Variants in SOX5 observed in about 807,000 individuals in gnomAD.
The protein encoded by SOX5 is SRY-box transcription factor 5, also known as transcription factor SOX-5.
In SOX5, 9 loss-of-function variants were observed where a neutral mutation model predicts 92.0. The observed-to-expected ratio is 0.10, with a 90% CI of 0.06 to 0.17. The LOEUF (loss-of-function observed/expected upper bound fraction) is 0.17, where lower values mean the gene tolerates loss of function less well. SOX5 is among the 10% of genes least tolerant of loss of function. SOX5 has a pLI of 1.00. For missense variants in SOX5, 642 were observed against 944.5 expected, an observed-to-expected ratio of 0.68 and a Z score of 4.20; for synonymous variants, 344 against 336.3, an observed-to-expected ratio of 1.02 and a Z score of -0.25.
intron 4 of SOX5, among the ~76,000 whole-genome samples, chr12:24,184,870 G>A (rs1234904756): frequency 6.6e-6 from 1 of 151,970 alleles, no homozygotes; most frequent in Non-Finnish European, 1.5e-5. Flanking sequence ...CATACATAAA[G>A]CTACTTAATG....
intron 3 of SOX5, among the ~76,000 whole-genome samples, chr12:23,818,872 C>CA (rs112235459): frequency 8.5e-4 from 130 of 152,184 alleles, no homozygotes; most frequent in African/African-American, 2.9e-3. Flanking sequence ...CCAGAATCTT[C>CA]AATACCACCA....
rs1403578806 is a variant in SOX5 at position 24,012,521 on chromosome 12, C to T, written c.-1-116497G>A. ...TAGATAATTTTAAAGTGAAGGAAAA[C>T]ATTTTGTGATCAATCTTTGAATATC... On this transcript the variant is annotated intron_variant, in intron 4 of 4. Transcript: ENST00000446891. Among the ~76,000 whole-genome samples the T allele has an allele frequency of 3.3e-5, 5 of 152,002 alleles. 1 individual carries two copies. The highest frequency in any genetic ancestry group is 7.4e-5 in the Non-Finnish European group (5 of 67,992).
chr12:23,785,103 T>C lies in SOX5; in HGVS notation c.482-29379A>G, dbSNP rs114326372. ...TCTCAAAAATTAAATTTAAAAATCATCTATTTAATCAACACTTTGCGCATC... is the reference window on the plus strand; with the variant it reads ...TCTCAAAAATTAAATTTAAAAATCACCTATTTAATCAACACTTTGCGCATC... On this transcript the variant is annotated intron_variant, in intron 3 of 14. Coordinates refer to ENST00000451604, the MANE Select transcript of SOX5 (RefSeq NM_006940.6). 5.9e-3 allele frequency among the ~76,000 whole-genome samples: 899 copies of C among 152,236 alleles called. 13 individuals are homozygous for C. The highest frequency in any genetic ancestry group is 0.02 in the African/African-American group (850 of 41,550).
At chr12:23,920,182 T>A (rs1937727856) in intron 1 of SOX5, 1 of 152,214 alleles carries the variant, frequency 6.6e-6, no homozygotes, top group Non-Finnish European at 1.5e-5. Context: ...TTTAATAAAC[T>A]TCGAAATAGA....
intron 4 of SOX5, among the ~76,000 whole-genome samples, chr12:24,109,582 C>T (rs1044592299): frequency 3.9e-5 from 6 of 152,160 alleles, no homozygotes; most frequent in African/African-American, 1.2e-4. Context: ...CCATCACCTG[C>T]TTCTTTATGC....
intron 2 of SOX5, among the ~76,000 whole-genome samples, chr12:23,878,488 A>T (rs955148690): frequency 1.3e-5 from 2 of 152,160 alleles, no homozygotes; most frequent in South Asian, 2.1e-4. Context: ...CAGGAATTTC[A>T]TTCAACTTGG....
intron 1 of SOX5, among the ~76,000 whole-genome samples, chr12:24,405,811 T>C (rs17417768): frequency 0.058 from 8,908 of 152,280 alleles, 385 homozygotes; most frequent in Middle Eastern, 0.092. Context: ...TTGAGAACTA[T>C]GGATGGCTCT....
At chr12:24,230,823 T>C (rs954604808) in intron 3 of SOX5, among the ~76,000 whole-genome samples, 5 of 152,194 alleles carry the variant, frequency 3.3e-5, no homozygotes, top group Non-Finnish European at 7.3e-5. Flanking sequence ...CTGGTAACTT[T>C]CATATAAATG....
intron 7 of SOX5, among the ~76,000 whole-genome samples, chr12:23,650,100 ATAC>A (rs1229510674): frequency 6.6e-6 from 1 of 152,088 alleles, no homozygotes; most frequent in Non-Finnish European, 1.5e-5. Context: ...CCTCTCTGAC[ATAC>A]ACACATACAA....
At chr12:24,512,272 A>G (rs528582944) in intron 1 of SOX5, among the ~76,000 whole-genome samples, 1 of 152,332 alleles carries the variant, frequency 6.6e-6, no homozygotes, top group East Asian at 1.9e-4. Flanking sequence ...AAACACGGAT[A>G]CTTGATCTAT....
intron 4 of SOX5, among the ~76,000 whole-genome samples, chr12:23,987,736 C>T (rs763179947): frequency 3.3e-5 from 5 of 152,144 alleles, no homozygotes; most frequent in Non-Finnish European, 7.4e-5. Context: ...GAGGTTGCAG[C>T]GAGCTGCGAT....
chr12:24,508,169 A>G (rs961141289), intron 1 of SOX5, among the ~76,000 whole-genome samples: 6 of 152,174 alleles, frequency 3.9e-5, no homozygotes, highest in African/African-American at 1.4e-4. Context: ...TGATGGGGTT[A>G]GATTTACACA....
At chr12:24,231,717 G>A (rs1301861730) in intron 3 of SOX5, among the ~76,000 whole-genome samples, 1 of 152,144 alleles carries the variant, frequency 6.6e-6, no homozygotes, top group Non-Finnish European at 1.5e-5. Flanking sequence ...AGGCATGAAA[G>A]GGCCCACAGT....
chr12:23,906,183 G>A (rs561171842), intron 1 of SOX5, among the ~76,000 whole-genome samples: 21 of 152,236 alleles, frequency 1.4e-4, no homozygotes, highest in Admixed American at 1.1e-3. Context: ...ATCGCAAACT[G>A]AAAAATATGT....
At chr12:24,058,069 G>C (rs1157540560) in intron 4 of SOX5, among the ~76,000 whole-genome samples, 1 of 152,244 alleles carries the variant, frequency 6.6e-6, no homozygotes, top group Non-Finnish European at 1.5e-5. Context: ...AGGTAAGATA[G>C]CTCAGCATAG....
chr12:23,566,144 C>A (rs1947040371), intron 10 of SOX5, among the ~76,000 whole-genome samples: 1 of 152,100 alleles, frequency 6.6e-6, no homozygotes, highest in Admixed American at 6.5e-5. Flanking sequence ...TTTATATCAT[C>A]TATCTAATTG....
At chr12:23,838,188 A>C (rs981560945) in intron 3 of SOX5, among the ~76,000 whole-genome samples, 1 of 144,190 alleles carries the variant, frequency 6.9e-6, no homozygotes, top group Non-Finnish European at 1.5e-5. Flanking sequence ...ATATATTTAT[A>C]TTTATATTAT....
chr12:23,652,646 G>A (rs1396409476), intron 7 of SOX5, among the ~76,000 whole-genome samples: 1 of 150,990 alleles, frequency 6.6e-6, no homozygotes, highest in Non-Finnish European at 1.5e-5. Context: ...ATAACACTTA[G>A]TGACACTCAG....
chr12:24,411,511 C>T (rs1481548492), intron 1 of SOX5, among the ~76,000 whole-genome samples: 2 of 152,090 alleles, frequency 1.3e-5, no homozygotes, highest in Non-Finnish European at 2.9e-5. Context: ...GAGTTTTTCT[C>T]ATAAATGTCT....
Sources: gnomAD v4.1 joint callset for allele counts (sites outside exome capture counted in the v4.1 genomes callset) on GRCh38, gnomAD v4.1.1 for gene constraint, MANE v1.5 for transcripts, NCBI Gene and HGNC (gene_info 2026-07-23, HGNC 2026-07-21) for gene names.